The following PTN variants were observed in gnomAD, a reference collection of about 807,000 sequenced individuals.
PTN encodes the protein heparin affin regulatory protein.
In PTN, 18 loss-of-function variants were observed where a neutral mutation model predicts 24.1. That is an observed-to-expected ratio of 0.75 (90% CI 0.52 to 1.11). The LOEUF is 1.11. Among genes scored for constraint, PTN ranks in the 50% least tolerant of loss-of-function variants. The probability of loss-of-function intolerance (pLI) is 0.00; values close to 1 mark genes in which losing one functional copy is unlikely to be tolerated. For synonymous variants in PTN, 78 were observed against 68.6 expected, an observed-to-expected ratio of 1.14 and a Z score of -0.67; for missense variants, 163 against 198.8, an observed-to-expected ratio of 0.82 and a Z score of 1.08.
At chr7:137,257,848 G>T (rs938994625) in intron 1 of PTN, among the ~76,000 whole-genome samples, 2 of 152,170 alleles carry the variant, frequency 1.3e-5, no homozygotes, top group African/African-American at 4.8e-5. Context: ...CAAGCCATGG[G>T]ATGCTCATCC....
chr7:137,248,422 A>C (rs893873362), intron 4 of PTN, among the ~76,000 whole-genome samples: 1 of 152,228 alleles, frequency 6.6e-6, no homozygotes, highest in African/African-American at 2.4e-5. Context: ...ACAGTGGCTC[A>C]TGCCTTTAAT....
chr7:137,259,314 A>C (rs964200399), intron 1 of PTN, among the ~76,000 whole-genome samples: 8 of 152,078 alleles, frequency 5.3e-5, no homozygotes, highest in African/African-American at 9.7e-5. Context: ...GGATGCTGGA[A>C]ACTGTACTTT....
intron 1 of PTN, among the ~76,000 whole-genome samples, chr7:137,284,083 C>T (rs1216644677): frequency 1.3e-5 from 2 of 149,132 alleles, no homozygotes; most frequent in Non-Finnish European, 3.0e-5. Flanking sequence ...TCTCCTGCCT[C>T]AGCCTCTCCG....
intron 4 of PTN, among the ~76,000 whole-genome samples, chr7:137,249,029 G>T (rs1465330819): frequency 1.3e-5 from 2 of 152,048 alleles, no homozygotes; most frequent in Non-Finnish European, 2.9e-5. Flanking sequence ...TATTAGATGA[G>T]ATACTGTATA....
intron 1 of PTN, among the ~76,000 whole-genome samples, chr7:137,263,107 G>T (rs1399084641): frequency 6.6e-6 from 1 of 152,158 alleles, no homozygotes; most frequent in Non-Finnish European, 1.5e-5. Context: ...TAGTACACTT[G>T]TGCTGAAGCA....
At chr7:137,301,315 G>A (rs1057163323) in intron 1 of PTN, among the ~76,000 whole-genome samples, 1 of 151,920 alleles carries the variant, frequency 6.6e-6, no homozygotes, top group Admixed American at 6.6e-5. Context: ...AAGACCACAG[G>A]AAATGGTAGA....
chr7:137,273,787 A>T (rs1433318404), intron 1 of PTN, among the ~76,000 whole-genome samples: 3 of 152,110 alleles, frequency 2.0e-5, no homozygotes, highest in African/African-American at 7.2e-5. Context: ...GGAGAGGGGA[A>T]AAGGCTGTGA....
intron 4 of PTN, among the ~76,000 whole-genome samples, chr7:137,241,446 C>G (rs1459928850): frequency 6.6e-6 from 1 of 152,148 alleles, no homozygotes; most frequent in Non-Finnish European, 1.5e-5. Flanking sequence ...TTGTTGTAAT[C>G]ACCATAATTC....
chr7:137,323,591 T>C (rs1810201296), intron 1 of PTN, among the ~76,000 whole-genome samples: 1 of 152,172 alleles, frequency 6.6e-6, no homozygotes, highest in South Asian at 2.1e-4. Flanking sequence ...GGATTTTGCT[T>C]TCTTAATGTC....
rs1224204584 is a variant in PTN at position 137,284,353 on chromosome 7, T to C, written c.-1-29379A>G. 2.0e-5 allele frequency among the ~76,000 whole-genome samples: 3 copies of C among 152,054 alleles called. 1 individual carries two copies. In the East Asian group the frequency reaches 5.8e-4, roughly 29 times the overall value. On this transcript the variant is annotated intron_variant, in intron 1 of 4. Coordinates refer to ENST00000348225, the MANE Select transcript of PTN (RefSeq NM_002825.7). ...TCTGAAGTTCTGCACAGTTACCATGTCAAAAAGGAAGAGGTCTTTTATTTT... is the reference window on the plus strand; with the variant it reads ...TCTGAAGTTCTGCACAGTTACCATGCCAAAAAGGAAGAGGTCTTTTATTTT...
rs140661765 is a variant in PTN, at chr7:137,256,508, A to G, written c.-1-1534T>C. ...AAAGGACATGATCTCATTCCTTGTT[A>G]TGGTTGCCTAGTATTCCATTGTATA... is the stretch of plus-strand genomic sequence containing the variant. On this transcript the variant is annotated intron_variant, in intron 1 of 4. Coordinates refer to ENST00000348225, the MANE Select transcript of PTN (RefSeq NM_002825.7). Among the ~76,000 whole-genome samples, 450 of 152,216 alleles carry G rather than the reference A, an allele frequency of 3.0e-3. 2 individuals are homozygous for G. Among genetic ancestry groups the G allele is most frequent in the African/African-American group, 0.01 (429 of 41,518 alleles).
At chr7:137,327,380 A>G (rs1810280534) in intron 1 of PTN, among the ~76,000 whole-genome samples, 2 of 150,528 alleles carry the variant, frequency 1.3e-5, no homozygotes, top group Admixed American at 1.3e-4. Flanking sequence ...ACTCTTGGCC[A>G]CTCACTCTCT....
chr7:137,297,668 T>C (rs569863595), intron 1 of PTN, among the ~76,000 whole-genome samples: 2 of 152,016 alleles, frequency 1.3e-5, no homozygotes, highest in East Asian at 3.9e-4. Flanking sequence ...GAGAAATAAA[T>C]AGCCCAGGCG....
At chr7:137,228,316 A>G (rs1808369456) in intron 4 of PTN, among the ~76,000 whole-genome samples, 1 of 151,710 alleles carries the variant, frequency 6.6e-6, no homozygotes, top group African/African-American at 2.4e-5. Flanking sequence ...GGGCAGGAGG[A>G]ACATAGCCTG....
intron 1 of PTN, among the ~76,000 whole-genome samples, chr7:137,267,245 TCTC>T (rs1055678150): frequency 1.3e-5 from 2 of 152,110 alleles, no homozygotes; most frequent in African/African-American, 4.8e-5. Flanking sequence ...TCTGTCTCTC[TCTC>T]TTTTCTTGAC....
intron 1 of PTN, among the ~76,000 whole-genome samples, chr7:137,260,719 G>A (rs993532447): frequency 6.6e-6 from 1 of 152,124 alleles, no homozygotes; most frequent in African/African-American, 2.4e-5. Context: ...GCAGTTGGAT[G>A]CAGAGGCTTA....
At chr7:137,320,393 T>A (rs1476292552) in intron 1 of PTN, among the ~76,000 whole-genome samples, 4 of 152,236 alleles carry the variant, frequency 2.6e-5, no homozygotes, top group Non-Finnish European at 4.4e-5. Context: ...ACTCATCTAC[T>A]GTAGTGCAAC....
intron 4 of PTN, among the ~76,000 whole-genome samples, chr7:137,232,432 G>A (rs1041061336): frequency 1.3e-5 from 2 of 151,846 alleles, no homozygotes; most frequent in Non-Finnish European, 2.9e-5. Context: ...AAAATAGTAG[G>A]TGTGTATTTT....
At chr7:137,236,060 TGAA>T (rs1430682661) in intron 4 of PTN, 4 of 643,936 alleles carry the variant, frequency 6.2e-6, no homozygotes, top group African/African-American at 5.4e-5. Flanking sequence ...GAAGGTTTAG[TGAA>T]GATGAAATTA....
Sources: gnomAD v4.1 joint callset for allele counts (sites outside exome capture counted in the v4.1 genomes callset) on GRCh38, gnomAD v4.1.1 for gene constraint, MANE v1.5 for transcripts, NCBI Gene and HGNC (gene_info 2026-07-23, HGNC 2026-07-21) for gene names.